SSBP2: variants seen among roughly 807,000 people sequenced by gnomAD.
The protein encoded by SSBP2 is single-stranded DNA-binding protein 2.
SSBP2 carries 17 observed loss-of-function variants against 61.8 expected under a neutral mutation model. The ratio of observed to expected loss-of-function variants is 0.28; its 90% CI spans 0.19 to 0.41. SSBP2 has a LOEUF of 0.41. Ranked by LOEUF, SSBP2 falls within the 10% of genes least tolerant of loss-of-function variation. The pLI, the probability that SSBP2 is intolerant of heterozygous loss-of-function variation, is 1.00. For synonymous variants in SSBP2, 139 were observed against 141.3 expected (o/e 0.98, Z 0.12); for missense variants, 310 against 458.7 (o/e 0.68, Z 2.96).
intron 10 of SSBP2, among the ~76,000 whole-genome samples, chr5:81,457,832 T>A (rs1380078394): frequency 3.9e-5 from 6 of 151,960 alleles, no homozygotes; most frequent in Non-Finnish European, 8.8e-5. Context: ...GGCTAATTTT[T>A]CGTATTTTTA....
chr5:81,543,352 G>T (rs560110595), intron 4 of SSBP2, among the ~76,000 whole-genome samples: 53 of 152,316 alleles, frequency 3.5e-4, no homozygotes, highest in Non-Finnish European at 7.2e-4. Flanking sequence ...GTCCTTTGCA[G>T]CAACATGGAT....
chr5:81,645,885 T>A (rs1749214056), intron 2 of SSBP2, among the ~76,000 whole-genome samples: 1 of 152,198 alleles, frequency 6.6e-6, no homozygotes, highest in African/African-American at 2.4e-5. Flanking sequence ...AACACTGAGC[T>A]AGTTGGCACA....
At chr5:81,639,976 A>C (rs1301846522) in intron 2 of SSBP2, among the ~76,000 whole-genome samples, 2 of 152,228 alleles carry the variant, frequency 1.3e-5, no homozygotes, top group Admixed American at 1.3e-4. Context: ...AGAGTTCTTA[A>C]GTACATAAAG....
intron 8 of SSBP2, among the ~76,000 whole-genome samples, chr5:81,470,818 C>T (rs1210440817): frequency 6.6e-6 from 1 of 151,758 alleles, no homozygotes; most frequent in Admixed American, 6.6e-5. Flanking sequence ...AGTTGTTTTT[C>T]CATTATCTCT....
At chr5:81,729,085 C>T (rs958983788) in intron 1 of SSBP2, among the ~76,000 whole-genome samples, 6 of 151,758 alleles carry the variant, frequency 4.0e-5, no homozygotes, top group Non-Finnish European at 7.4e-5. Context: ...ATCAAAACAC[C>T]GTATTGTACC....
rs1158325160 is a variant in SSBP2 at position 81,413,244 on chromosome 5, CTAAAT to C, written c.*7255_*7259del. 1 of 152,212 alleles carries C rather than the reference CTAAAT, an allele frequency of 6.6e-6. No individual in the cohort carries two copies. The highest frequency in any genetic ancestry group is 1.5e-5 in the Non-Finnish European group (1 of 68,028). The allele number at this position is 152,212 out of a possible 1,614,324, so 9.4% of individuals were successfully genotyped here. On this transcript the variant is annotated 3_prime_UTR_variant, in exon 17 of 17. Transcript: ENST00000320672. ...TAGCTCAAGTACTTGTACAAAAACA[CTAAAT>C]TATAAATCCATTTGAGAATAAATGC... is the stretch of plus-strand genomic sequence containing the variant.
At chr5:81,572,243 G>C (rs936843867) in intron 4 of SSBP2, among the ~76,000 whole-genome samples, 1 of 152,128 alleles carries the variant, frequency 6.6e-6, no homozygotes, top group South Asian at 2.1e-4. Flanking sequence ...AGAATGTTTT[G>C]AGTTTATAGT....
At chr5:81,735,502 T>G (rs1756538139) in intron 1 of SSBP2, among the ~76,000 whole-genome samples, 1 of 152,216 alleles carries the variant, frequency 6.6e-6, no homozygotes, top group African/African-American at 2.4e-5. Context: ...CATCTCTAGA[T>G]TACTTACAAC....
chr5:81,454,075 T>G (rs1185947271), intron 10 of SSBP2, among the ~76,000 whole-genome samples: 8 of 152,188 alleles, frequency 5.3e-5, no homozygotes, highest in Non-Finnish European at 1.0e-4. Flanking sequence ...TTTCAGGCAC[T>G]TCATTGCCAC....
At position 81,458,173 on chromosome 5, in the gene SSBP2, AAG is replaced by A. The variant is rs1764294952; in HGVS notation, c.687+2880_687+2881del. 2.6e-5 allele frequency among the ~76,000 whole-genome samples: 4 copies of A among 152,350 alleles called. No individual in the cohort carries two copies. In the South Asian group the frequency reaches 8.3e-4, roughly 32 times the overall value. On this transcript the variant is annotated intron_variant, in intron 10 of 16. Transcript: ENST00000320672. The stretch of plus-strand genomic sequence containing the variant: ...AAACTGTTCCAAGTTAAAGGAGACA[AAG>A]AGACACGAAGTGAATGTAACAAGTA...
intron 4 of SSBP2, among the ~76,000 whole-genome samples, chr5:81,555,784 T>C (rs1172195313): frequency 1.3e-5 from 2 of 152,158 alleles, no homozygotes; most frequent in Non-Finnish European, 2.9e-5. Context: ...TGTAAAGTGA[T>C]TTTCTATTAA....
intron 4 of SSBP2, among the ~76,000 whole-genome samples, chr5:81,534,040 T>C (rs1770616776): frequency 6.6e-6 from 1 of 152,092 alleles, no homozygotes; most frequent in African/African-American, 2.4e-5. Flanking sequence ...CCTCACCTGC[T>C]ATGGTTTTAT....
intron 4 of SSBP2, among the ~76,000 whole-genome samples, chr5:81,614,030 C>T (rs1745729897): frequency 6.6e-6 from 1 of 152,178 alleles, no homozygotes; most frequent in African/African-American, 2.4e-5. Flanking sequence ...GAGGTAATCA[C>T]AAGCACTCTC....
intron 1 of SSBP2, among the ~76,000 whole-genome samples, chr5:81,654,581 G>A (rs891160143): frequency 2.6e-5 from 4 of 152,126 alleles, no homozygotes; most frequent in African/African-American, 9.7e-5. Flanking sequence ...GGAACCACCA[G>A]GAGTCACAGC....
intron 5 of SSBP2, among the ~76,000 whole-genome samples, chr5:81,499,191 TTAGA>T (rs745993429): frequency 2.0e-4 from 31 of 152,196 alleles, no homozygotes; most frequent in Non-Finnish European, 3.7e-4. Context: ...CCCATACATC[TTAGA>T]TATTCTATCA....
chr5:81,561,709 G>A (rs10462370), intron 4 of SSBP2, among the ~76,000 whole-genome samples: 4 of 151,908 alleles, frequency 2.6e-5, no homozygotes, highest in Non-Finnish European at 5.9e-5. Context: ...GAAAGAAATC[G>A]ATAAAGCCCC....
intron 8 of SSBP2, among the ~76,000 whole-genome samples, chr5:81,470,657 A>C (rs986541881): frequency 1.3e-5 from 2 of 151,962 alleles, no homozygotes; most frequent in African/African-American, 4.8e-5. Context: ...AAAGTTATGG[A>C]AGTAACATCT....
intron 4 of SSBP2, among the ~76,000 whole-genome samples, chr5:81,534,184 T>C (rs1255746631): frequency 6.6e-6 from 1 of 152,070 alleles, no homozygotes; most frequent in African/African-American, 2.4e-5. Context: ...ACAGGCTCAC[T>C]AAAACACTGA....
chr5:81,646,610 C>T, intron 2 of SSBP2, among the ~76,000 whole-genome samples: 1 of 126,266 alleles, frequency 7.9e-6, no homozygotes, highest in Non-Finnish European at 1.6e-5. Flanking sequence ...ATTACATTCT[C>T]CTTTTTTTTT....
Sources: gnomAD v4.1 joint callset for allele counts (sites outside exome capture counted in the v4.1 genomes callset) on GRCh38, gnomAD v4.1.1 for gene constraint, MANE v1.5 for transcripts, NCBI Gene and HGNC (gene_info 2026-07-23, HGNC 2026-07-21) for gene names.